RNF220: variants seen among roughly 807,000 people sequenced by gnomAD.
RNF220 encodes E3 ubiquitin-protein ligase RNF220.
Under a neutral mutation model 67.1 loss-of-function variants are expected in RNF220, and 7 were observed. The observed-to-expected ratio is 0.10, with a 90% confidence interval of 0.06 to 0.20. RNF220 has a LOEUF of 0.20. Among genes scored for constraint, RNF220 ranks in the 10% least tolerant of loss-of-function variants. The pLI, the probability that RNF220 is intolerant of heterozygous loss-of-function variation, is 1.00. For missense variants in RNF220, 565 were observed against 740.3 expected (o/e 0.76, Z 2.75); for synonymous variants, 270 against 283.2 (o/e 0.95, Z 0.47).
At chr1:44,601,404 G>T (rs189787378) in intron 2 of RNF220, among the ~76,000 whole-genome samples, 3 of 152,316 alleles carry the variant, frequency 2.0e-5, no homozygotes, top group Non-Finnish European at 4.4e-5. Flanking sequence ...TGCTGATGTT[G>T]CTGTAATATG....
chr1:44,574,516 A>T (rs927636707), intron 2 of RNF220, among the ~76,000 whole-genome samples: 24 of 152,162 alleles, frequency 1.6e-4, no homozygotes, highest in African/African-American at 5.8e-4. Context: ...GTGAATCTTT[A>T]ATACATTTAC....
Position 44,650,326 on chromosome 1 carries a change from C to G in RNF220, c.1629+369C>G. On this transcript the variant is annotated intron_variant, in intron 14 of 14. Coordinates refer to ENST00000361799, the MANE Select transcript of RNF220 (RefSeq NM_018150.4). The surrounding 1 kb of genome is among the most constrained non-coding windows in gnomAD (Gnocchi z 4.3). ...ATTACTAAGCTCCTTCTGCTCCTGC[C>G]CCTGTTCTTCGCTCAGGAGCAGCCA... 2.1e-6 allele frequency: 1 copy of G among 481,322 alleles called. No homozygotes were observed. The highest frequency in any genetic ancestry group is 3.8e-6 in the Non-Finnish European group (1 of 264,714). 29.8% of individuals were successfully genotyped at this position (481,322 alleles called of 1,614,324 possible).
chr1:44,423,635 T>C (rs943646481), intron 2 of RNF220, among the ~76,000 whole-genome samples: 12 of 152,194 alleles, frequency 7.9e-5, no homozygotes, highest in Admixed American at 2.6e-4. Flanking sequence ...TGCTGATGTT[T>C]AGTGAGTTAG....
intron 8 of RNF220, chr1:44,643,388 G>A (rs1208423110): frequency 6.6e-6 from 1 of 152,264 alleles, no homozygotes; most frequent in Non-Finnish European, 1.5e-5. Context: ...CATGCTTGGG[G>A]TTTACAGAGT....
intron 2 of RNF220, among the ~76,000 whole-genome samples, chr1:44,609,623 C>G (rs1326127494): frequency 1.3e-5 from 2 of 152,202 alleles, no homozygotes; most frequent in Non-Finnish European, 2.9e-5. Context: ...CCATTCCCAA[C>G]AGAGGGGGGC....
intron 2 of RNF220, among the ~76,000 whole-genome samples, chr1:44,611,971 T>C (rs1481677969): frequency 6.6e-6 from 1 of 152,208 alleles, no homozygotes; most frequent in East Asian, 1.9e-4. Context: ...CCTGTGAGAT[T>C]CTCTGGCTAA....
At position 44,626,467 on chromosome 1, in the gene RNF220, G is replaced by A. The variant is rs545016879; in HGVS notation, c.906+69G>A. 79 of 1,221,778 alleles carry A rather than the reference G, an allele frequency of 6.5e-5. 1 individual carries two copies. The Middle Eastern group carries it at 9.0e-4, about 14-fold the overall frequency. 75.7% of individuals were successfully genotyped at this position (1,221,778 alleles called of 1,614,324 possible). On this transcript the variant is annotated intron_variant, in intron 5 of 14. Coordinates refer to ENST00000361799, the MANE Select transcript of RNF220 (RefSeq NM_018150.4). Reference sequence around the variant, plus strand: ...GGGGAGGGCTTCAAGAGCCTGCCCGGTGCTAACTCCTCCTCTCCTCTGTAG... The same window carrying A: ...GGGGAGGGCTTCAAGAGCCTGCCCGATGCTAACTCCTCCTCTCCTCTGTAG...
At position 44,565,834 on chromosome 1, in the gene RNF220, G is replaced by A. The variant is rs1262534438; in HGVS notation, c.626-48331G>A. On this transcript the variant is annotated intron_variant, in intron 2 of 14. Transcript: ENST00000361799. This position sits in a 1 kb window ranked among gnomAD's most constrained non-coding sequence, Gnocchi z 4.2. ...CCCCGTCCTGCAACCCAGTCCTCCT[G>A]CTGCAGTCTTACCTGTCCTCTGAAG... is the stretch of plus-strand genomic sequence containing the variant. 6.6e-6 allele frequency among the ~76,000 whole-genome samples: 1 copy of A among 152,110 alleles called. No individual in the cohort carries two copies. The highest frequency in any genetic ancestry group is 2.4e-5 in the African/African-American group (1 of 41,392).
intron 2 of RNF220, chr1:44,545,690 C>G (rs1292690202): frequency 6.5e-6 from 1 of 152,804 alleles, no homozygotes; most frequent in Non-Finnish European, 1.5e-5. Context: ...TCTAGGGGGC[C>G]TAAAGATGGG....
At chr1:44,427,691 C>A (rs953459097) in intron 2 of RNF220, among the ~76,000 whole-genome samples, 1 of 152,188 alleles carries the variant, frequency 6.6e-6, no homozygotes, top group Non-Finnish European at 1.5e-5. Flanking sequence ...GACAGATGCA[C>A]CTACTCTTTC....
intron 2 of RNF220, among the ~76,000 whole-genome samples, chr1:44,590,610 C>G (rs1666046855): frequency 6.6e-6 from 1 of 152,228 alleles, no homozygotes. Context: ...CTGGCAGGCT[C>G]TGTTCTTTCA....
intron 8 of RNF220, among the ~76,000 whole-genome samples, chr1:44,640,907 G>A (rs1315409027): frequency 6.6e-6 from 1 of 152,198 alleles, no homozygotes; most frequent in Non-Finnish European, 1.5e-5. Context: ...CTGGGCTCTG[G>A]TTTTGTTGGG....
chr1:44,540,029 C>A (rs1661552655), intron 2 of RNF220, among the ~76,000 whole-genome samples: 1 of 152,222 alleles, frequency 6.6e-6, no homozygotes, highest in Admixed American at 6.5e-5. Context: ...TTCTTGCCCA[C>A]TGTGATAGGG....
At chr1:44,632,077 C>T (rs982400735) in intron 5 of RNF220, 153 of 1,227,590 alleles carry the variant, frequency 1.2e-4, no homozygotes, top group Non-Finnish European at 1.6e-4. Context: ...GGCCGTGGGG[C>T]CCAGAGCGCC....
rs1040688374 is a variant in RNF220, at chr1:44,600,262, A to G, written c.626-13903A>G. 7.2e-5 allele frequency among the ~76,000 whole-genome samples: 11 copies of G among 152,176 alleles called. No homozygotes were observed. The highest frequency in any genetic ancestry group is 2.4e-4 in the African/African-American group (10 of 41,440). On this transcript the variant is annotated intron_variant, in intron 2 of 14. Transcript: ENST00000361799. This position sits in a 1 kb window ranked among gnomAD's most constrained non-coding sequence, Gnocchi z 4.0. The stretch of plus-strand genomic sequence containing the variant: ...CATCCAAGCAGAGCATCTTCTACGC[A>G]GTGTTGTACGTGGCTCAGATTGGAG...
chr1:44,477,088 A>G (rs138503757), intron 2 of RNF220, among the ~76,000 whole-genome samples: 3 of 152,216 alleles, frequency 2.0e-5, no homozygotes, highest in Non-Finnish European at 4.4e-5. Context: ...AAAGAAATTG[A>G]ATTACATTTT....
intron 2 of RNF220, among the ~76,000 whole-genome samples, chr1:44,567,967 A>G (rs561746316): frequency 3.2e-4 from 48 of 152,258 alleles, no homozygotes; most frequent in African/African-American, 1.1e-3. Flanking sequence ...CAACTTGTCC[A>G]AAGCTGAACT....
At chr1:44,587,890 A>G (rs894874531) in intron 2 of RNF220, among the ~76,000 whole-genome samples, 1 of 152,204 alleles carries the variant, frequency 6.6e-6, no homozygotes, top group African/African-American at 2.4e-5. Flanking sequence ...AGCTCCTGGC[A>G]TGAATGTGCA....
intron 2 of RNF220, among the ~76,000 whole-genome samples, chr1:44,530,947 G>A (rs1660791747): frequency 6.6e-6 from 1 of 151,880 alleles, no homozygotes; most frequent in Admixed American, 6.6e-5. Flanking sequence ...TGGGTGACAG[G>A]GTGAGACTCC....
Sources: allele counts gnomAD v4.1 joint callset (sites outside exome capture counted in the v4.1 genomes callset), GRCh38; gene constraint gnomAD v4.1.1; non-coding constraint Gnocchi (gnomAD v3.1); transcripts MANE v1.5; gene names NCBI Gene and HGNC (gene_info 2026-07-23, HGNC 2026-07-21).